Variants in UBAC2 observed in about 807,000 individuals in gnomAD.
UBAC2 encodes ubiquitin-associated domain-containing protein 2.
A neutral mutation model predicts 44.0 loss-of-function variants in UBAC2; 26 were observed. The ratio of observed to expected loss-of-function variants is 0.59; its 90% CI spans 0.43 to 0.82. The LOEUF is 0.82. Among genes scored for constraint, UBAC2 ranks in the 40% least tolerant of loss-of-function variants. UBAC2 has a pLI of 0.00. For synonymous variants in UBAC2, 155 were observed against 154.3 expected (o/e 1.00, Z -0.04); for missense variants, 329 against 419.4 (o/e 0.78, Z 1.88).
At chr13:99,330,761 A>G (rs1284218716) in intron 6 of UBAC2, among the ~76,000 whole-genome samples, 1 of 152,140 alleles carries the variant, frequency 6.6e-6, no homozygotes, top group African/African-American at 2.4e-5. Flanking sequence ...TGAGTTTTTC[A>G]CCATTGAGGC....
At chr13:99,268,095 A>G (rs1387979871) in intron 4 of UBAC2, among the ~76,000 whole-genome samples, 2 of 152,138 alleles carry the variant, frequency 1.3e-5, no homozygotes, top group African/African-American at 2.4e-5. Flanking sequence ...AAGGTTGCAG[A>G]TGTCACTCCT....
At chr13:99,379,426 A>T (rs941596142) in intron 8 of UBAC2, among the ~76,000 whole-genome samples, 3 of 152,230 alleles carry the variant, frequency 2.0e-5, no homozygotes, top group African/African-American at 7.2e-5. Flanking sequence ...ATGCTTTGTC[A>T]CCACATTAAA....
chr13:99,359,505 A>G (rs543006965), intron 7 of UBAC2, among the ~76,000 whole-genome samples: 1 of 152,176 alleles, frequency 6.6e-6, no homozygotes, highest in East Asian at 1.9e-4. Context: ...TGTTAAATCA[A>G]CCTGTTTCCT....
intron 7 of UBAC2, among the ~76,000 whole-genome samples, chr13:99,347,412 G>A (rs1370158604): frequency 6.8e-6 from 1 of 146,734 alleles, no homozygotes; most frequent in South Asian, 2.1e-4. Flanking sequence ...TTTGAAAGGG[G>A]CTTCGGTGGA....
chr13:99,317,715 T>G (rs1466417652), intron 5 of UBAC2, among the ~76,000 whole-genome samples: 2 of 152,252 alleles, frequency 1.3e-5, no homozygotes, highest in African/African-American at 4.8e-5. Context: ...TATTTTACTT[T>G]AAGTCAGTTG....
intron 4 of UBAC2, among the ~76,000 whole-genome samples, chr13:99,279,148 C>T (rs2043921225): frequency 6.6e-6 from 1 of 152,076 alleles, no homozygotes; most frequent in Non-Finnish European, 1.5e-5. Context: ...TCCCCCTTTT[C>T]TTACCCCTTT....
chr13:99,325,180 G>GC (rs2044622785), intron 6 of UBAC2, among the ~76,000 whole-genome samples: 1 of 136,866 alleles, frequency 7.3e-6, no homozygotes, highest in African/African-American at 2.7e-5. Context: ...TTGGTTCACC[G>GC]CAAGCTCCAC....
At chr13:99,342,475 G>A (rs2044905797) in intron 7 of UBAC2, among the ~76,000 whole-genome samples, 1 of 152,096 alleles carries the variant, frequency 6.6e-6, no homozygotes, top group Non-Finnish European at 1.5e-5. Context: ...CTTGCAGACG[G>A]TAGTTATCAG....
chr13:99,343,362 C>T (rs949294065), intron 7 of UBAC2, among the ~76,000 whole-genome samples: 2 of 114,478 alleles, frequency 1.7e-5, no homozygotes, highest in Admixed American at 8.5e-5. Flanking sequence ...CTGTAAACTC[C>T]GCACGGTGTC....
chr13:99,256,485 G>T (rs943827439), intron 4 of UBAC2: 2 of 152,060 alleles, frequency 1.3e-5, no homozygotes, highest in Non-Finnish European at 2.9e-5. Flanking sequence ...TGTGATTTCA[G>T]CTGCTCTACT....
At chr13:99,284,094 C>T (rs1309757160) in intron 4 of UBAC2, among the ~76,000 whole-genome samples, 2 of 152,216 alleles carry the variant, frequency 1.3e-5, no homozygotes, top group East Asian at 1.9e-4. Context: ...CAGGAAGCAA[C>T]TTGAGCATTT....
intron 1 of UBAC2, chr13:99,234,344 C>T (rs1279603961): frequency 2.1e-5 from 7 of 332,148 alleles, no homozygotes; most frequent in Non-Finnish European, 3.8e-5. Flanking sequence ...CTTGCCACCA[C>T]GCCCGGGTAA....
rs184164816 is a variant in UBAC2 at position 99,343,027 on chromosome 13, G to T, written c.807+2462G>T. Among the ~76,000 whole-genome samples, 8 of 152,348 alleles carry T rather than the reference G, an allele frequency of 5.3e-5. No individual in the cohort carries two copies. In the South Asian group the frequency reaches 1.0e-3, roughly 20 times the overall value. On this transcript the variant is annotated intron_variant, in intron 7 of 8. Transcript: ENST00000403766. ...AGGGGCCCACCAGCTGTGGTAGTCG[G>T]TGTTAGCTGGGAAGAGGCTGTGGTG...
At chr13:99,240,599 T>G (rs1204537309) in intron 2 of UBAC2, among the ~76,000 whole-genome samples, 1 of 152,178 alleles carries the variant, frequency 6.6e-6, no homozygotes, top group Non-Finnish European at 1.5e-5. Flanking sequence ...TCATCGGACA[T>G]TGGTAAAGTC....
chr13:99,282,157 C>T (rs1351117739), intron 4 of UBAC2, among the ~76,000 whole-genome samples: 1 of 152,176 alleles, frequency 6.6e-6, no homozygotes, highest in African/African-American at 2.4e-5. Context: ...GTTAGCAAAA[C>T]CTCCTTTCCC....
intron 8 of UBAC2, chr13:99,376,930 C>T (rs903604575): frequency 3.3e-5 from 5 of 152,250 alleles, no homozygotes; most frequent in Admixed American, 6.5e-5. Flanking sequence ...CAATGAATGA[C>T]TGCAAGCCCA....
intron 6 of UBAC2, among the ~76,000 whole-genome samples, chr13:99,339,945 C>A (rs2138829655): frequency 6.6e-6 from 1 of 152,256 alleles, no homozygotes; most frequent in Non-Finnish European, 1.5e-5. Context: ...CTGTGATGGC[C>A]ATCTGCCAAC....
At chr13:99,288,564 A>G (rs1210037632) in intron 4 of UBAC2, among the ~76,000 whole-genome samples, 1 of 152,216 alleles carries the variant, frequency 6.6e-6, no homozygotes, top group African/African-American at 2.4e-5. Context: ...ATCAGAGATA[A>G]AGTAGCATAG....
chr13:99,201,471 G>T (rs2042798257), intron 1 of UBAC2: 9 of 1,614,088 alleles, frequency 5.6e-6, no homozygotes, highest in Non-Finnish European at 7.6e-6. Flanking sequence ...TGATGAGAGT[G>T]CTTTCAAGTG....
Sources: allele counts gnomAD v4.1 joint callset (sites outside exome capture counted in the v4.1 genomes callset), GRCh38; gene constraint gnomAD v4.1.1; transcripts MANE v1.5; gene names NCBI Gene and HGNC (gene_info 2026-07-23, HGNC 2026-07-21).